Variants in KLHL29 observed in about 807,000 individuals in gnomAD.
KLHL29 encodes kelch-like protein 29.
KLHL29 carries 21 observed loss-of-function variants against 80.4 expected under a neutral mutation model. That is an observed-to-expected ratio of 0.26 (90% CI 0.19 to 0.38). The LOEUF (loss-of-function observed/expected upper bound fraction) is 0.38, where lower values mean the gene tolerates loss of function less well. Among genes scored for constraint, KLHL29 ranks in the 10% least tolerant of loss-of-function variants. KLHL29 has a pLI of 1.00. For synonymous variants in KLHL29, 511 were observed against 526.8 expected (o/e 0.97, Z 0.41); for missense variants, 867 against 1,223.9 (o/e 0.71, Z 4.35).
chr2:23,395,207 G>A (rs865987929), intron 1 of KLHL29, among the ~76,000 whole-genome samples: 1 of 152,324 alleles, frequency 6.6e-6, no homozygotes, highest in South Asian at 2.1e-4. Context: ...GGAATTTCCC[G>A]AGAAATTCTG....
chr2:23,603,269 G>A (rs970085033), intron 3 of KLHL29, among the ~76,000 whole-genome samples: 1 of 152,164 alleles, frequency 6.6e-6, no homozygotes, highest in African/African-American at 2.4e-5. Context: ...CAGAGGTAGG[G>A]CCTCAATCCA....
chr2:23,497,622 G>A (rs184493379), intron 2 of KLHL29, among the ~76,000 whole-genome samples: 1 of 152,322 alleles, frequency 6.6e-6, no homozygotes, highest in East Asian at 1.9e-4. Flanking sequence ...AGGGAGCAAA[G>A]GGCTGGGAGA....
At chr2:23,597,383 G>GTA (rs1558402790) in intron 3 of KLHL29, among the ~76,000 whole-genome samples, 305 of 23,564 alleles carry the variant, frequency 0.013, 1 homozygote, top group Non-Finnish European at 0.02. Flanking sequence ...GTGTGTGTGT[G>GTA]TATATATATA....
rs1435212951 is a variant in KLHL29, at chr2:23,494,439, A to C, written c.-46+18772A>C. Among the ~76,000 whole-genome samples the C allele has an allele frequency of 2.6e-5, 4 of 152,182 alleles. 1 individual carries two copies. ...GAGATGCTTTCCTGTGACCTTAAGG[A>C]AACGCTTCCTGGGAACAGGCACGCC... On this transcript the variant is annotated intron_variant, in intron 2 of 13. Coordinates refer to ENST00000486442, the MANE Select transcript of KLHL29 (RefSeq NM_052920.2).
chr2:23,667,738 C>T (rs1239784068), intron 5 of KLHL29: 7 of 152,510 alleles, frequency 4.6e-5, no homozygotes, highest in Non-Finnish European at 7.3e-5. Context: ...AGTGCGTGCT[C>T]CACCCTGGGG....
chr2:23,444,606 G>A (rs1440710458), intron 1 of KLHL29, among the ~76,000 whole-genome samples: 3 of 152,166 alleles, frequency 2.0e-5, no homozygotes, highest in Non-Finnish European at 2.9e-5. Flanking sequence ...GATTACAGGC[G>A]TGAACCACTG....
intron 11 of KLHL29, among the ~76,000 whole-genome samples, chr2:23,698,667 A>AAAT (rs1381392177): frequency 6.6e-6 from 1 of 152,198 alleles, no homozygotes; most frequent in Non-Finnish European, 1.5e-5. Flanking sequence ...ATCATTATAT[A>AAAT]AATAACCGGG....
intron 2 of KLHL29, among the ~76,000 whole-genome samples, chr2:23,494,753 T>C (rs1665207660): frequency 7.3e-6 from 1 of 137,628 alleles, no homozygotes; most frequent in Non-Finnish European, 1.6e-5. Flanking sequence ...TGGTCCAGGA[T>C]GGATTCTGGT....
intron 1 of KLHL29, among the ~76,000 whole-genome samples, chr2:23,392,746 C>T (rs1171290467): frequency 6.6e-6 from 1 of 152,220 alleles, no homozygotes; most frequent in Admixed American, 6.5e-5. Flanking sequence ...CACACACACC[C>T]CTATTCGTGT....
At chr2:23,447,583 G>C (rs1019229438) in intron 1 of KLHL29, among the ~76,000 whole-genome samples, 2 of 152,194 alleles carry the variant, frequency 1.3e-5, no homozygotes, top group Non-Finnish European at 2.9e-5. Flanking sequence ...CGCTGATAAT[G>C]GCCTTGGCTG....
chr2:23,613,169 G>A (rs1287810495), intron 3 of KLHL29, among the ~76,000 whole-genome samples: 1 of 152,104 alleles, frequency 6.6e-6, no homozygotes, highest in African/African-American at 2.4e-5. Context: ...AAGGAACACA[G>A]AACAAGTGAG....
At chr2:23,662,542 G>A (rs1269141301) in intron 5 of KLHL29, among the ~76,000 whole-genome samples, 1 of 152,088 alleles carries the variant, frequency 6.6e-6, no homozygotes, top group East Asian at 1.9e-4. Flanking sequence ...GCCCCTCCTG[G>A]GGTTCCAGCC....
chr2:23,404,499 A>C (rs930852934), intron 1 of KLHL29, among the ~76,000 whole-genome samples: 2 of 152,232 alleles, frequency 1.3e-5, no homozygotes, highest in African/African-American at 4.8e-5. Context: ...TCGTGAAGGA[A>C]TTCTCTGGAA....
intron 1 of KLHL29, among the ~76,000 whole-genome samples, chr2:23,388,322 CT>C (rs373905297): frequency 6.6e-6 from 1 of 151,902 alleles, no homozygotes; most frequent in Admixed American, 6.6e-5. Context: ...GGATAAAAAC[CT>C]TTTTTTTGTT....
intron 3 of KLHL29, among the ~76,000 whole-genome samples, chr2:23,636,397 AG>A (rs1362633752): frequency 6.6e-6 from 1 of 151,322 alleles, no homozygotes; most frequent in Non-Finnish European, 1.5e-5. Flanking sequence ...TCTACCCTAA[AG>A]GAAAAAAAAA....
intron 6 of KLHL29, chr2:23,690,844 T>C (rs944440390): frequency 6.6e-6 from 1 of 152,344 alleles, no homozygotes; most frequent in Non-Finnish European, 1.5e-5. Flanking sequence ...AGACACCAGA[T>C]ATAAACAGAT....
chr2:23,390,650 C>CTTTTTTTTTT (rs70941576), intron 1 of KLHL29, among the ~76,000 whole-genome samples: 1 of 120,234 alleles, frequency 8.3e-6, no homozygotes, highest in Non-Finnish European at 1.6e-5. Flanking sequence ...ACCATCTTTA[C>CTTTTTTTTTT]TTTTTTTTTT....
chr2:23,500,856 C>T (rs1665417227), intron 2 of KLHL29, among the ~76,000 whole-genome samples: 1 of 152,150 alleles, frequency 6.6e-6, no homozygotes, highest in South Asian at 2.1e-4. Flanking sequence ...TTTTTGAGTT[C>T]AGTTCACGAG....
intron 1 of KLHL29, among the ~76,000 whole-genome samples, chr2:23,448,829 A>G (rs193271573): frequency 6.6e-6 from 1 of 152,228 alleles, no homozygotes; most frequent in East Asian, 1.9e-4. Context: ...CTACCACCGT[A>G]TGGCCTCCAC....
Sources: allele counts gnomAD v4.1 joint callset (sites outside exome capture counted in the v4.1 genomes callset), GRCh38; gene constraint gnomAD v4.1.1; transcripts MANE v1.5; gene names NCBI Gene and HGNC (gene_info 2026-07-23, HGNC 2026-07-21).